RNF111: variants seen among roughly 807,000 people sequenced by gnomAD.
The protein encoded by RNF111 is E3 ubiquitin-protein ligase Arkadia.
Under a neutral mutation model 95.1 loss-of-function variants are expected in RNF111, and 17 were observed. The ratio of observed to expected loss-of-function variants is 0.18; its 90% CI spans 0.12 to 0.27. The LOEUF is 0.27. Ranked by LOEUF, RNF111 falls within the 10% of genes least tolerant of loss-of-function variation. The pLI is 1.00. For synonymous variants in RNF111, 440 were observed against 414.8 expected (o/e 1.06, Z -0.74); for missense variants, 1,189 against 1,210.4 (o/e 0.98, Z 0.26).
At chr15:59,060,914 G>T (rs77730322) in intron 5 of RNF111, among the ~76,000 whole-genome samples, 3 of 151,490 alleles carry the variant, frequency 2.0e-5, no homozygotes, top group African/African-American at 7.3e-5. Flanking sequence ...TGATCCTCCC[G>T]AGTAGATGGG....
intron 1 of RNF111, among the ~76,000 whole-genome samples, chr15:58,990,851 G>A (rs2038782319): frequency 6.6e-6 from 1 of 152,084 alleles, no homozygotes; most frequent in Non-Finnish European, 1.5e-5. Context: ...TTATTGTTCA[G>A]TAAAAGTCCA....
intron 2 of RNF111, among the ~76,000 whole-genome samples, chr15:59,036,047 C>T (rs893210184): frequency 4.7e-4 from 72 of 152,074 alleles, no homozygotes; most frequent in Non-Finnish European, 4.4e-5. Context: ...AAGACATACC[C>T]GAGACTGGGT....
Position 59,055,909 on chromosome 15 carries a change from A to G in RNF111, c.1171+64A>G, listed in dbSNP as rs920822852. On this transcript the variant is annotated intron_variant, in intron 4 of 13. Transcript: ENST00000348370. The stretch of plus-strand genomic sequence containing the variant: ...GTTTGATAAAAGGAAATCTCTTAAT[A>G]TGCTAGAAACTCCTCCTGCTTACTG... 239 of 1,371,106 alleles carry G rather than the reference A, an allele frequency of 1.7e-4. 1 individual carries two copies. The highest frequency in any genetic ancestry group is 1.1e-4 in the Non-Finnish European group (113 of 1,007,932). 84.9% of individuals were successfully genotyped at this position (1,371,106 alleles called of 1,614,324 possible). A position where few individuals can be genotyped will look rare whatever the true frequency, so the allele number is the denominator to read the frequency against.
intron 2 of RNF111, among the ~76,000 whole-genome samples, chr15:59,033,116 C>T (rs1341666063): frequency 2.0e-5 from 3 of 152,034 alleles, no homozygotes; most frequent in African/African-American, 4.8e-5. Flanking sequence ...GGTAATGGGC[C>T]TAGGGAGAGC....
intron 1 of RNF111, among the ~76,000 whole-genome samples, chr15:59,010,547 G>A (rs2039751667): frequency 1.3e-5 from 2 of 151,958 alleles, no homozygotes; most frequent in African/African-American, 4.8e-5. Context: ...GATTACAGGT[G>A]CCCACCACCA....
At chr15:59,043,057 C>T (rs1566904527) in intron 2 of RNF111, among the ~76,000 whole-genome samples, 1 of 151,672 alleles carries the variant, frequency 6.6e-6, no homozygotes, top group East Asian at 1.9e-4. Flanking sequence ...TTGCAGAGAG[C>T]GTTTTATGTT....
intron 2 of RNF111, among the ~76,000 whole-genome samples, chr15:59,045,909 T>C (rs2041686332): frequency 1.3e-5 from 2 of 152,198 alleles, no homozygotes; most frequent in African/African-American, 2.4e-5. Context: ...GGTGCTACTG[T>C]TTTGTTGTTT....
chr15:59,071,023 C>T (rs1027127595), intron 6 of RNF111, among the ~76,000 whole-genome samples: 42 of 152,036 alleles, frequency 2.8e-4, no homozygotes, highest in Admixed American at 1.3e-4. Flanking sequence ...AGTGGCCGGG[C>T]GCGGTGGCTC....
chr15:59,047,705 A>G (rs2041778482), intron 2 of RNF111, among the ~76,000 whole-genome samples: 1 of 152,044 alleles, frequency 6.6e-6, no homozygotes, highest in Admixed American at 6.6e-5. Context: ...CCTCCCAAGT[A>G]TCTGGGACTA....
In RNF111 at chr15:59,058,540, T is replaced by C. The variant is rs778271361; in HGVS notation, c.1356T>C (p.Thr452=). ...ATLTSNSTTG[T]SIGDDSRRTT... is the part of the protein sequence containing the mutation. ...TTACAAGCAATAGTACCACTGGCACTTCTATAGGAGGTATGTAAAAAAGTG... is the reference window on the plus strand; with the variant it reads ...TTACAAGCAATAGTACCACTGGCACCTCTATAGGAGGTATGTAAAAAAGTG... The change falls in exon 5 of 14, where the codon ACT becomes ACC. Residue 452 remains threonine (T), a synonymous_variant. Coordinates refer to ENST00000348370, the MANE Select transcript of RNF111 (RefSeq NM_017610.8). 1 of 1,613,928 alleles carries C rather than the reference T, an allele frequency of 6.2e-7. No individual in the cohort carries two copies. Among genetic ancestry groups the C allele is most frequent in the Admixed American group, 1.7e-5 (1 of 60,016 alleles).
rs1450085810 is a variant in RNF111 at position 59,031,473 on chromosome 15, A to G, written c.651A>G (p.Val217=). Residue 217 remains valine (V), a synonymous_variant, in exon 2 of 14, where the codon GTA becomes GTG. Transcript: ENST00000348370. ...GACTTCCATGCAGAAAGAGATTTGTAAAAAATAATTCCTCACAGAGGACAC... is the reference window on the plus strand; with the variant it reads ...GACTTCCATGCAGAAAGAGATTTGTGAAAAATAATTCCTCACAGAGGACAC... ...LRRLPCRKRF[V]KNNSSQRTQK... is the part of the protein sequence containing the mutation. The G allele has an allele frequency of 5.0e-6, 8 of 1,614,214 alleles. No individual in the cohort carries two copies. The highest frequency in any genetic ancestry group is 6.8e-6 in the Non-Finnish European group (8 of 1,180,032).
chr15:59,068,864 C>G (rs2042784021), intron 6 of RNF111, among the ~76,000 whole-genome samples: 1 of 152,000 alleles, frequency 6.6e-6, no homozygotes, highest in Non-Finnish European at 1.5e-5. Context: ...ATCACGAGAT[C>G]AGGAGTTCGA....
Position 59,052,425 on chromosome 15 carries a change from G to A in RNF111, c.1001G>A (p.Ser334Asn). ...GTGGAGATTGTAACAGTTGGAGAAAGCTATCGGTGAGATTTTAATTCTTAG... is the reference window on the plus strand; with the variant it reads ...GTGGAGATTGTAACAGTTGGAGAAAACTATCGGTGAGATTTTAATTCTTAG... ...SEVEIVTVGE[S>N]YRSRSTLGHS... Residue 334 changes from serine to asparagine, a missense_variant, in exon 3 of 14, where the codon AGC becomes AAC. Physicochemically the swap from Ser to Asn is conservative, Grantham distance 46 (BLOSUM62 1). Transcript: ENST00000348370. The A allele has an allele frequency of 6.4e-7, 1 of 1,565,660 alleles. No individual in the cohort carries two copies. Among genetic ancestry groups the A allele is most frequent in the Non-Finnish European group, 8.6e-7 (1 of 1,161,988 alleles).
At chr15:59,080,322 T>C (rs2078702858) in intron 7 of RNF111, among the ~76,000 whole-genome samples, 1 of 152,146 alleles carries the variant, frequency 6.6e-6, no homozygotes, top group Non-Finnish European at 1.5e-5. Flanking sequence ...GGCTTCGCCA[T>C]GTTGGCCAGG....
chr15:59,013,030 C>T (rs560631187), intron 1 of RNF111, among the ~76,000 whole-genome samples: 4 of 152,102 alleles, frequency 2.6e-5, no homozygotes, highest in African/African-American at 9.7e-5. Flanking sequence ...TGAGCCACCG[C>T]GACCGGCCTG....
At chr15:59,042,171 A>G (rs1302982720) in intron 2 of RNF111, among the ~76,000 whole-genome samples, 2 of 151,806 alleles carry the variant, frequency 1.3e-5, no homozygotes, top group African/African-American at 4.8e-5. Flanking sequence ...GTCACCCAGG[A>G]TGGAGTGCAG....
chr15:59,066,804 T>A lies in RNF111; in HGVS notation c.1407T>A (p.Thr469=). 6.2e-7 allele frequency: 1 copy of A among 1,614,066 alleles called. No individual in the cohort carries two copies. The highest frequency in any genetic ancestry group is 8.5e-7 in the Non-Finnish European group (1 of 1,179,966). The part of the protein sequence containing the change: ...RRTTSSAVTE[T]GPPAMPRLPS... ...CTACATCTAGTGCTGTAACGGAAAC[T>A]GGCCCTCCTGCAATGCCAAGGTTAC... is the stretch of plus-strand genomic sequence containing the variant. The change falls in exon 6 of 14, where the codon ACT becomes ACA. Residue 469 remains threonine (T), a synonymous_variant. Coordinates refer to ENST00000348370, the MANE Select transcript of RNF111 (RefSeq NM_017610.8).
intron 8 of RNF111, 131 bp downstream of exon 8, chr15:59,081,415 C>G (rs1318617650): frequency 1.4e-6 from 1 of 734,772 alleles, no homozygotes; most frequent in African/African-American, 1.8e-5. Context: ...GAGGCTGAGA[C>G]AGGAGGATTG....
chr15:59,034,572 T>G (rs1264865391), intron 2 of RNF111, among the ~76,000 whole-genome samples: 2 of 152,212 alleles, frequency 1.3e-5, no homozygotes, highest in Non-Finnish European at 2.9e-5. Context: ...AAAATCAGTT[T>G]GGAATGATTT....
Sources: allele counts gnomAD v4.1 joint callset (sites outside exome capture counted in the v4.1 genomes callset), GRCh38; gene constraint gnomAD v4.1.1; transcripts MANE v1.5; gene names NCBI Gene and HGNC (gene_info 2026-07-23, HGNC 2026-07-21).